ARHGAP44: variants seen among roughly 807,000 people sequenced by gnomAD.
The protein encoded by ARHGAP44 is rho GTPase-activating protein 44.
ARHGAP44 carries 43 observed loss-of-function variants against 106.8 expected under a neutral mutation model. The observed-to-expected ratio is 0.40, with a 90% CI of 0.32 to 0.52. The LOEUF (loss-of-function observed/expected upper bound fraction) is 0.52. Ranked by LOEUF, ARHGAP44 falls within the 20% of genes least tolerant of loss-of-function variation. The pLI is 0.48. For synonymous variants in ARHGAP44, 439 were observed against 410.3 expected, an observed-to-expected ratio of 1.07 and a Z score of -0.85; for missense variants, 866 against 1,050.5, an observed-to-expected ratio of 0.82 and a Z score of 2.43.
chr17:12,943,793 C>T, intron 9 of ARHGAP44, 124 bp downstream of exon 9: 1 of 1,092,434 alleles, frequency 9.2e-7, no homozygotes, highest in Non-Finnish European at 1.3e-6. Context: ...TGTAGATGAG[C>T]CTTTTGGACT....
chr17:12,857,857 A>G (rs1290695866), intron 1 of ARHGAP44, among the ~76,000 whole-genome samples: 2 of 151,914 alleles, frequency 1.3e-5, no homozygotes, highest in Non-Finnish European at 2.9e-5. Context: ...TAGTTAGCAG[A>G]TATCACTAGG....
intron 1 of ARHGAP44, among the ~76,000 whole-genome samples, chr17:12,842,414 C>CAAAAAAA: frequency 1.8e-5 from 1 of 56,408 alleles, no homozygotes; most frequent in Non-Finnish European, 4.2e-5. Flanking sequence ...GAGACCATCT[C>CAAAAAAA]AAAAAAAAAA....
intron 16 of ARHGAP44, among the ~76,000 whole-genome samples, chr17:12,964,981 C>G (rs925139840): frequency 6.6e-6 from 1 of 152,158 alleles, no homozygotes. Flanking sequence ...CAGTACCTTC[C>G]TCCCTACTGC....
chr17:12,900,517 A>T (rs1020025577), intron 3 of ARHGAP44, among the ~76,000 whole-genome samples: 15 of 152,184 alleles, frequency 9.9e-5, no homozygotes, highest in Non-Finnish European at 4.4e-5. Context: ...AGTTTTTTGA[A>T]GTCCTTGCAT....
chr17:12,796,814 C>G (rs947761959), intron 1 of ARHGAP44, among the ~76,000 whole-genome samples: 2 of 150,480 alleles, frequency 1.3e-5, no homozygotes, highest in African/African-American at 4.9e-5. Flanking sequence ...ACCGTGTTAG[C>G]CAGGATGGTC....
At position 12,991,632 on chromosome 17, in the gene ARHGAP44, T is replaced by C. The variant is rs2040157985; in HGVS notation, c.*1461T>C. On this transcript the variant is annotated 3_prime_UTR_variant, in exon 21 of 21. Transcript: ENST00000379672. ...AAAAGTAACGTTATTAAAATAGATT[T>C]ATTATCCCTGAGCTTGGCATCTGTT... is the stretch of plus-strand genomic sequence containing the variant. 1 of 188,300 alleles carries C rather than the reference T, an allele frequency of 5.3e-6. No individual in the cohort carries two copies. The highest frequency in any genetic ancestry group is 1.9e-4 in the South Asian group (1 of 5,130). 11.7% of individuals were successfully genotyped at this position (188,300 alleles called of 1,614,324 possible).
chr17:12,793,071 T>G (rs2033813892), intron 1 of ARHGAP44, among the ~76,000 whole-genome samples: 1 of 152,234 alleles, frequency 6.6e-6, no homozygotes. Flanking sequence ...GGCTTTCCAC[T>G]GGGACAGGTT....
chr17:12,990,453 G>A lies in ARHGAP44; in HGVS notation c.*282G>A, dbSNP rs2072259. ...TGATCCACTTTCAGCCTCCATGCCA[G>A]AAAACACCCACCTCTCCATCCAAGG... is the stretch of plus-strand genomic sequence containing the variant. On this transcript the variant is annotated 3_prime_UTR_variant, in exon 21 of 21. Transcript: ENST00000379672. 1 of 280,990 alleles carries A rather than the reference G, an allele frequency of 3.6e-6. No individual in the cohort carries two copies. The highest frequency in any genetic ancestry group is 6.9e-6 in the Non-Finnish European group (1 of 143,900). 17.4% of individuals were successfully genotyped at this position (280,990 alleles called of 1,614,324 possible).
intron 7 of ARHGAP44, among the ~76,000 whole-genome samples, chr17:12,935,569 CA>C (rs11364751): frequency 0.48 from 59,877 of 125,494 alleles, 12,984 homozygotes; most frequent in East Asian, 0.67. Flanking sequence ...GACTCCATCT[CA>C]AAAAAAAAAA....
chr17:12,880,994 T>C (rs2150898979), intron 1 of ARHGAP44, among the ~76,000 whole-genome samples: 1 of 152,304 alleles, frequency 6.6e-6, no homozygotes, highest in Middle Eastern at 3.4e-3. Flanking sequence ...ACGAATGAAG[T>C]TGACCAAGCT....
At chr17:12,891,101 T>C (rs547888459) in intron 1 of ARHGAP44, among the ~76,000 whole-genome samples, 1 of 152,308 alleles carries the variant, frequency 6.6e-6, no homozygotes, top group East Asian at 1.9e-4. Flanking sequence ...CTAAGAAGTT[T>C]TACCCTTCAT....
rs1051895206 is a variant in ARHGAP44 at position 12,981,791 on chromosome 17, G to A, written c.1939+1558G>A. Among the ~76,000 whole-genome samples the A allele has an allele frequency of 2.0e-5, 3 of 151,238 alleles. No homozygotes were observed. In the East Asian group the frequency reaches 6.0e-4, roughly 30 times the overall value. On this transcript the variant is annotated intron_variant, in intron 19 of 20. Transcript: ENST00000379672. The stretch of plus-strand genomic sequence containing the variant: ...TTTGGGAGGCTGAGATGGGCAGATT[G>A]CCTGAGCTCAGGAGTTTGAGACCAG...
Position 12,980,093 on chromosome 17 carries a change from C to T in ARHGAP44, c.1799C>T (p.Ala600Val). Residue 600 changes from alanine (A) to valine (V), a missense_variant, in exon 19 of 21, where the codon GCA becomes GTA. This residue lies in a region of ARHGAP44 where 418 missense variants were observed against 403.6 expected (regional missense o/e 1.04). Transcript: ENST00000379672. Reference sequence around the variant, plus strand: ...AGCAAGGAACTTTCTCCAGGCTCTGCACAGAAAGGAAGTCCAGGCTCCAGC... The same window carrying T: ...AGCAAGGAACTTTCTCCAGGCTCTGTACAGAAAGGAAGTCCAGGCTCCAGC... ...TKSKELSPGS[A>V]QKGSPGSSQG... is the part of the protein sequence containing the mutation. 6.2e-7 allele frequency: 1 copy of T among 1,613,258 alleles called. No individual in the cohort carries two copies. The highest frequency in any genetic ancestry group is 8.5e-7 in the Non-Finnish European group (1 of 1,179,472).
At chr17:12,973,741 G>C (rs1476628863) in intron 17 of ARHGAP44, 24 of 503,678 alleles carry the variant, frequency 4.8e-5, no homozygotes, top group Non-Finnish European at 7.4e-5. Flanking sequence ...TGTGAGGAAG[G>C]CTGGCAGTTT....
intron 1 of ARHGAP44, among the ~76,000 whole-genome samples, chr17:12,790,942 C>G (rs2033733578): frequency 6.6e-6 from 1 of 152,258 alleles, no homozygotes; most frequent in South Asian, 2.1e-4. Flanking sequence ...AGTTCAAATG[C>G]AAGCTCAACA....
Position 12,991,347 on chromosome 17 carries a change from ATCTC to A in ARHGAP44, c.*1180_*1183del, listed in dbSNP as rs955638589. The A allele has an allele frequency of 1.3e-5, 2 of 153,562 alleles. No individual in the cohort carries two copies. Among genetic ancestry groups the A allele is most frequent in the African/African-American group, 2.4e-5 (1 of 41,578 alleles). 9.5% of individuals were successfully genotyped at this position (153,562 alleles called of 1,614,324 possible). On this transcript the variant is annotated 3_prime_UTR_variant, in exon 21 of 21. Transcript: ENST00000379672. ...ATGATATAATATTTGTATATATGAAATCTCTCTATATTTGTTTAATTTGAGCCAT... is the reference window on the plus strand; with the variant it reads ...ATGATATAATATTTGTATATATGAAATCTATATTTGTTTAATTTGAGCCAT...
intron 7 of ARHGAP44, among the ~76,000 whole-genome samples, chr17:12,937,497 C>T (rs773241449): frequency 3.1e-4 from 47 of 152,242 alleles, no homozygotes; most frequent in Admixed American, 1.4e-3. Flanking sequence ...TACTGATTTC[C>T]GCAGAGGTTT....
At chr17:12,945,557 A>G (rs1214171243) in intron 10 of ARHGAP44, among the ~76,000 whole-genome samples, 1 of 152,166 alleles carries the variant, frequency 6.6e-6, no homozygotes, top group Non-Finnish European at 1.5e-5. Context: ...GTTAAGCCTA[A>G]TTCATCCAGA....
chr17:12,853,922 C>G (rs150340764), intron 1 of ARHGAP44, among the ~76,000 whole-genome samples: 12 of 152,290 alleles, frequency 7.9e-5, no homozygotes, highest in African/African-American at 2.6e-4. Context: ...CCCAATTCCC[C>G]ATTTCCATGT....
Sources: allele counts gnomAD v4.1 joint callset (sites outside exome capture counted in the v4.1 genomes callset), GRCh38; gene constraint gnomAD v4.1.1; regional missense constraint gnomAD v4.1.1; transcripts MANE v1.5; gene names NCBI Gene and HGNC (gene_info 2026-07-23, HGNC 2026-07-21).